SYN3: variants seen among roughly 807,000 people sequenced by gnomAD.
SYN3 encodes synapsin III, also known as synapsin-3.
A neutral mutation model predicts 65.8 loss-of-function variants in SYN3; 35 were observed. The observed-to-expected ratio is 0.53, with a 90% confidence interval of 0.41 to 0.70. The LOEUF is 0.70. Ranked by LOEUF, SYN3 falls within the 30% of genes least tolerant of loss-of-function variation. SYN3 has a pLI of 0.00. For missense variants in SYN3, 680 were observed against 749.0 expected, an observed-to-expected ratio of 0.91 and a Z score of 1.08; for synonymous variants, 270 against 292.9, an observed-to-expected ratio of 0.92 and a Z score of 0.80.
At chr22:32,823,212 C>T (rs545607259) in intron 6 of SYN3, among the ~76,000 whole-genome samples, 1 of 152,296 alleles carries the variant, frequency 6.6e-6, no homozygotes, top group East Asian at 1.9e-4. Flanking sequence ...CTTTCCTAGG[C>T]GCCACCTTCT....
chr22:32,926,671 G>C (rs745654600), intron 4 of SYN3, among the ~76,000 whole-genome samples: 6 of 152,136 alleles, frequency 3.9e-5, no homozygotes, highest in South Asian at 2.1e-4. Context: ...GTCTTGAATG[G>C]AAAACATTTA....
chr22:32,660,131 T>C (rs1221465302), intron 6 of SYN3, among the ~76,000 whole-genome samples: 1 of 152,200 alleles, frequency 6.6e-6, no homozygotes, highest in Non-Finnish European at 1.5e-5. Context: ...CATTACCTCC[T>C]GGATCTGCTG....
intron 6 of SYN3, among the ~76,000 whole-genome samples, chr22:32,829,278 C>G (rs1328612288): frequency 1.3e-5 from 2 of 152,176 alleles, no homozygotes; most frequent in Non-Finnish European, 2.9e-5. Context: ...CCTGGTGGCT[C>G]AAAGAATTGC....
At chr22:32,953,065 T>A (rs1307598438) in intron 3 of SYN3, among the ~76,000 whole-genome samples, 1 of 152,262 alleles carries the variant, frequency 6.6e-6, no homozygotes, top group Non-Finnish European at 1.5e-5. Context: ...AAGGTTATAC[T>A]AATTAATTTG....
At chr22:32,816,951 C>A (rs376465906) in intron 6 of SYN3, among the ~76,000 whole-genome samples, 1 of 152,004 alleles carries the variant, frequency 6.6e-6, no homozygotes, top group Non-Finnish European at 1.5e-5. Flanking sequence ...CCGGGCACAG[C>A]GGCTCACGCA....
At chr22:32,706,861 T>A (rs2060887682) in intron 6 of SYN3, among the ~76,000 whole-genome samples, 1 of 152,156 alleles carries the variant, frequency 6.6e-6, no homozygotes, top group African/African-American at 2.4e-5. Flanking sequence ...CCCAAATTGC[T>A]CACCCCAACC....
chr22:32,579,597 C>G (rs955533566), intron 7 of SYN3, among the ~76,000 whole-genome samples: 3 of 152,176 alleles, frequency 2.0e-5, no homozygotes, highest in Admixed American at 6.5e-5. Context: ...TAGGAAGACA[C>G]CAACATTCAG....
At chr22:32,757,969 C>T (rs1477030282) in intron 6 of SYN3, among the ~76,000 whole-genome samples, 1 of 152,236 alleles carries the variant, frequency 6.6e-6, no homozygotes, top group Admixed American at 6.5e-5. Context: ...GACCATGTGA[C>T]CAGCTGCAGA....
At position 32,523,068 on chromosome 22, in the gene SYN3, T is replaced by C. The variant is rs1229436475; in HGVS notation, c.1319-4734A>G. On this transcript the variant is annotated intron_variant, in intron 12 of 13. Coordinates refer to ENST00000358763, the MANE Select transcript of SYN3 (RefSeq NM_003490.4). Reference sequence around the variant, plus strand: ...CTGTCCTTCCAACAGCATGTACTCATGTGGTGTCTGTGCCTCACATTTGAC... The same window carrying C: ...CTGTCCTTCCAACAGCATGTACTCACGTGGTGTCTGTGCCTCACATTTGAC... Among the ~76,000 whole-genome samples the C allele has an allele frequency of 2.6e-5, 4 of 152,270 alleles. No homozygotes were observed. The East Asian group carries it at 7.7e-4, about 29-fold the overall frequency.
chr22:32,627,088 C>T (rs984595580), intron 6 of SYN3, among the ~76,000 whole-genome samples: 3 of 152,094 alleles, frequency 2.0e-5, no homozygotes, highest in African/African-American at 7.2e-5. Context: ...GCGAGCTGTG[C>T]GGTTCCTCCT....
chr22:32,644,587 A>G (rs1161937945), intron 6 of SYN3, among the ~76,000 whole-genome samples: 1 of 152,210 alleles, frequency 6.6e-6, no homozygotes, highest in African/African-American at 2.4e-5. Context: ...ACGCTCGCAC[A>G]TGCAGGCACA....
chr22:32,908,723 G>A (rs570540865), intron 4 of SYN3, among the ~76,000 whole-genome samples: 1 of 152,266 alleles, frequency 6.6e-6, no homozygotes, highest in Admixed American at 6.5e-5. Context: ...GACAGGCCAC[G>A]TGGGCTGCAA....
At chr22:32,823,952 C>T (rs181425) in intron 6 of SYN3, among the ~76,000 whole-genome samples, 138,545 of 152,162 alleles carry the variant, frequency 0.91, 63,140 homozygotes, top group Middle Eastern at 0.94. Flanking sequence ...GAAGTCAGCA[C>T]ATAGAAAGTC....
chr22:32,623,622 G>C (rs2059625252), intron 6 of SYN3, among the ~76,000 whole-genome samples: 1 of 152,180 alleles, frequency 6.6e-6, no homozygotes. Flanking sequence ...TGGATCCCTG[G>C]AATCCAGACG....
At chr22:32,768,842 T>C (rs752682528) in intron 6 of SYN3, among the ~76,000 whole-genome samples, 1 of 152,198 alleles carries the variant, frequency 6.6e-6, no homozygotes, top group African/African-American at 2.4e-5. Context: ...TCAGTGACGA[T>C]GATTTTGTTT....
At chr22:32,810,436 G>A (rs2145983207) in intron 6 of SYN3, among the ~76,000 whole-genome samples, 1 of 151,974 alleles carries the variant, frequency 6.6e-6, no homozygotes, top group South Asian at 2.1e-4. Context: ...TGTGGGGGTG[G>A]GGAAGGGAAG....
intron 5 of SYN3, among the ~76,000 whole-genome samples, chr22:32,868,643 GT>G: frequency 6.6e-6 from 1 of 152,008 alleles, no homozygotes; most frequent in South Asian, 2.1e-4. Context: ...TAGAGATGGG[GT>G]TTCTCCATGT....
intron 6 of SYN3, among the ~76,000 whole-genome samples, chr22:32,641,228 G>A (rs2059893574): frequency 6.6e-6 from 1 of 152,210 alleles, no homozygotes; most frequent in Non-Finnish European, 1.5e-5. Flanking sequence ...TGGAGCTCAC[G>A]TGTTCAGAAT....
At chr22:33,022,159 G>C (rs2053571601) in intron 1 of SYN3, among the ~76,000 whole-genome samples, 1 of 152,154 alleles carries the variant, frequency 6.6e-6, no homozygotes, top group South Asian at 2.1e-4. Context: ...CTCGATGAGG[G>C]CTAAAACAAT....
Sources: allele counts gnomAD v4.1 joint callset (sites outside exome capture counted in the v4.1 genomes callset), GRCh38; gene constraint gnomAD v4.1.1; transcripts MANE v1.5; gene names NCBI Gene and HGNC (gene_info 2026-07-23, HGNC 2026-07-21).